Variants in CAPRIN2 observed in about 807,000 individuals in gnomAD.
CAPRIN2 encodes the protein caprin-2.
In CAPRIN2, 66 loss-of-function variants were observed where a neutral mutation model predicts 130.4. That is an observed-to-expected ratio of 0.51 (90% CI 0.42 to 0.62). The LOEUF is 0.62. CAPRIN2 is among the 20% of genes least tolerant of loss of function. The pLI is 0.00. For missense variants in CAPRIN2, 1,185 were observed against 1,246.6 expected, an observed-to-expected ratio of 0.95 and a Z score of 0.74; for synonymous variants, 471 against 444.1, an observed-to-expected ratio of 1.06 and a Z score of -0.76.
intron 13 of CAPRIN2, 87 bp from the exon 16 acceptor site, chr12:30,715,228 TA>T: frequency 9.5e-7 from 1 of 1,055,208 alleles, no homozygotes; most frequent in South Asian, 1.5e-5. Context: ...AAATCATTAA[TA>T]CAATTTGCTG....
At chr12:30,744,374 T>C (rs2068896570) in intron 2 of CAPRIN2, among the ~76,000 whole-genome samples, 1 of 152,178 alleles carries the variant, frequency 6.6e-6, no homozygotes, top group Admixed American at 6.5e-5. Flanking sequence ...TCTGATGCCT[T>C]TGGGAAAAAG....
At chr12:30,715,555 G>A (rs1461945577) in intron 13 of CAPRIN2, 3 of 404,018 alleles carry the variant, frequency 7.4e-6, no homozygotes, top group African/African-American at 6.3e-5. Context: ...CAAAGTTTCA[G>A]TTGGGGGGAG....
At chr12:30,720,527 T>G (rs964197274) in intron 12 of CAPRIN2, 6 of 230,540 alleles carry the variant, frequency 2.6e-5, no homozygotes, top group Non-Finnish European at 5.1e-5. Flanking sequence ...AGTGTAAATA[T>G]AGTGGAAAAC....
intron 2 of CAPRIN2, among the ~76,000 whole-genome samples, chr12:30,741,610 C>CT (rs1262248942): frequency 6.6e-6 from 1 of 151,966 alleles, no homozygotes; most frequent in East Asian, 1.9e-4. Context: ...AGGAGCAAAA[C>CT]TTTTTTTTAA....
intron 3 of CAPRIN2, among the ~76,000 whole-genome samples, chr12:30,735,827 C>T (rs1045255128): frequency 2.6e-5 from 4 of 152,040 alleles, no homozygotes; most frequent in African/African-American, 9.7e-5. Context: ...AAAACAGATA[C>T]AGAAAATCAA....
chr12:30,729,505 G>A (rs12368923), intron 7 of CAPRIN2, among the ~76,000 whole-genome samples, 180 bp from the exon 9 acceptor site: 41,990 of 151,978 alleles, frequency 0.28, 6,119 homozygotes, highest in Non-Finnish European at 0.33. Context: ...CTACTTTTCT[G>A]TCCATTCCTT....
Position 30,734,950 on chromosome 12 carries a change from A to G in CAPRIN2, c.809+18T>C. Reference sequence around the variant, plus strand: ...GTGTCAAGTGTTTCATTTCAGGAAAATCTTTTCATTAGCTTACCTCAGACT... The same window carrying G: ...GTGTCAAGTGTTTCATTTCAGGAAAGTCTTTTCATTAGCTTACCTCAGACT... On this transcript the variant is annotated intron_variant, in intron 4 of 16. Coordinates refer to ENST00000298892, the Ensembl canonical transcript of CAPRIN2. 6.4e-7 allele frequency: 1 copy of G among 1,555,186 alleles called. No individual in the cohort carries two copies. The highest frequency in any genetic ancestry group is 1.7e-4 in the Middle Eastern group (1 of 5,946).
intron 8 of CAPRIN2, among the ~76,000 whole-genome samples, chr12:30,726,563 C>T (rs114720479): frequency 6.6e-5 from 10 of 152,192 alleles, no homozygotes; most frequent in African/African-American, 2.4e-4. Context: ...GAGAGGGATA[C>T]ATATATTTTG....
intron 2 of CAPRIN2, among the ~76,000 whole-genome samples, chr12:30,748,886 C>T (rs1158933499): frequency 1.3e-5 from 2 of 152,160 alleles, no homozygotes; most frequent in African/African-American, 2.4e-5. Context: ...AATGAACAGA[C>T]AAAATCCTTA....
At chr12:30,709,934 T>C (rs2053745251) in exon 17 of CAPRIN2, 4 of 1,609,436 alleles carry the variant, frequency 2.5e-6, no homozygotes, top group South Asian at 1.1e-5. Context: ...CCTGAAAACG[T>C]AGAATATTTC....
chr12:30,736,343 G>T (rs1255274066), intron 3 of CAPRIN2, among the ~76,000 whole-genome samples: 3 of 149,842 alleles, frequency 2.0e-5, no homozygotes, highest in Non-Finnish European at 4.4e-5. Flanking sequence ...CATAGTTTTT[G>T]ATTGTAACGT....
intron 8 of CAPRIN2, among the ~76,000 whole-genome samples, chr12:30,727,004 C>T (rs1174315659): frequency 3.3e-5 from 5 of 152,122 alleles, no homozygotes; most frequent in South Asian, 2.1e-4. Context: ...TTCAATATAA[C>T]GCTATCTGTC....
chr12:30,715,506 G>T, intron 13 of CAPRIN2: 1 of 454,970 alleles, frequency 2.2e-6, no homozygotes. Flanking sequence ...GCCAGGGGCT[G>T]GGGGGAGAGG....
intron 1 of CAPRIN2, among the ~76,000 whole-genome samples, chr12:30,752,572 T>TAAAAAAAAAAAAAAAAAAAAAAAAAAAAA (rs201247925): frequency 7.7e-6 from 1 of 129,322 alleles, no homozygotes. Flanking sequence ...TTTCTTAGGT[T>TAAAAAAAAAAAAAAAAAAAAAAAAAAAAA]AAAAAAAAAA....
At chr12:30,739,165 A>G (rs897629152) in intron 3 of CAPRIN2, among the ~76,000 whole-genome samples, 1 of 152,226 alleles carries the variant, frequency 6.6e-6, no homozygotes, top group Admixed American at 6.5e-5. Context: ...AATGCCCATC[A>G]ATGATAGACC....
At chr12:30,716,151 C>A in intron 13 of CAPRIN2, 1 of 210,710 alleles carries the variant, frequency 4.7e-6, no homozygotes, top group Non-Finnish European at 9.3e-6. Context: ...GACAGATAAC[C>A]ATTTGTTAAA....
chr12:30,715,095 A>C (rs767358275), exon 14 of CAPRIN2: 3 of 1,613,990 alleles, frequency 1.9e-6, no homozygotes, highest in African/African-American at 2.7e-5. Flanking sequence ...GGTAAAAGGC[A>C]AGGCTACCAT....
At chr12:30,733,734 G>A (rs1381564528) in intron 4 of CAPRIN2, 23 bp from the exon 6 acceptor site, 2 of 1,562,812 alleles carry the variant, frequency 1.3e-6, no homozygotes, top group Non-Finnish European at 1.8e-6. Flanking sequence ...AGCAGCAGCA[G>A]AACAAAGTGG....
chr12:30,738,595 G>C (rs1344726980), intron 3 of CAPRIN2, among the ~76,000 whole-genome samples: 1 of 152,118 alleles, frequency 6.6e-6, no homozygotes, highest in Admixed American at 6.5e-5. Flanking sequence ...TGCAGCAAAA[G>C]AAACCATCAA....
Sources: gnomAD v4.1 joint callset for allele counts (sites outside exome capture counted in the v4.1 genomes callset) on GRCh38, gnomAD v4.1.1 for gene constraint, MANE v1.5 for transcripts, NCBI Gene and HGNC (gene_info 2026-07-23, HGNC 2026-07-21) for gene names.